Variants in SP140 observed in about 807,000 individuals in gnomAD.
SP140 encodes the protein nuclear body protein SP140.
SP140 carries 81 observed loss-of-function variants against 125.0 expected under a neutral mutation model. That is an observed-to-expected ratio of 0.65 (90% CI 0.54 to 0.78). The LOEUF (loss-of-function observed/expected upper bound fraction) is 0.78. Ranked by LOEUF, SP140 falls within the 30% of genes least tolerant of loss-of-function variation. SP140 has a pLI of 0.00. For synonymous variants in SP140, 312 were observed against 354.0 expected (o/e 0.88, Z 1.33); for missense variants, 858 against 1,037.0 (o/e 0.83, Z 2.37).
intron 12 of SP140, among the ~76,000 whole-genome samples, chr2:230,257,578 C>A (rs1452624191): frequency 6.6e-6 from 1 of 152,100 alleles, no homozygotes; most frequent in Non-Finnish European, 1.5e-5. Context: ...GCCAGCCGGG[C>A]CAACATGGCA....
chr2:230,225,729 C>A, upstream of SP140: 2 of 861,286 alleles, frequency 2.3e-6, no homozygotes, highest in Admixed American at 1.8e-5. Context: ...TAGGCAATTT[C>A]ACTTTTCTTT....
intron 1 of SP140, among the ~76,000 whole-genome samples, chr2:230,226,762 C>CAAAA (rs11323886): frequency 1.1e-5 from 1 of 94,264 alleles, no homozygotes; most frequent in African/African-American, 4.1e-5. Flanking sequence ...AATTCCATCT[C>CAAAA]AAAAAAAAAA....
chr2:230,262,538 T>G (rs1343958130), intron 12 of SP140, among the ~76,000 whole-genome samples: 1 of 152,162 alleles, frequency 6.6e-6, no homozygotes, highest in South Asian at 2.1e-4. Context: ...AGATGTGACC[T>G]TAGATTGTCA....
upstream of SP140, chr2:230,202,649 A>C (rs145246759): frequency 1.7e-4 from 281 of 1,614,050 alleles, 1 homozygote; most frequent in African/African-American, 3.3e-3. Flanking sequence ...TGGAGTTACA[A>C]GTTGAGTCAT....
chr2:230,194,338 C>T, the SP140 span, among the ~76,000 whole-genome samples: 1 of 152,092 alleles, frequency 6.6e-6, no homozygotes, highest in East Asian at 1.9e-4. Flanking sequence ...CAGGGGCTCA[C>T]ACCTGTATCC....
intron 20 of SP140, among the ~76,000 whole-genome samples, chr2:230,293,162 A>T (rs942537333): frequency 6.6e-6 from 1 of 152,204 alleles, no homozygotes; most frequent in Admixed American, 6.5e-5. Flanking sequence ...CCATGGCAAA[A>T]GTAGCTCTGT....
chr2:230,263,322 C>T (rs2052573691), intron 12 of SP140, among the ~76,000 whole-genome samples: 1 of 152,106 alleles, frequency 6.6e-6, no homozygotes, highest in African/African-American at 2.4e-5. Flanking sequence ...TGCCTGTTTC[C>T]ACCCCTTTAC....
At position 230,255,542 on chromosome 2, in the gene SP140, G is replaced by T. The variant is rs201513131; in HGVS notation, c.1240+10G>T. 23 of 993,532 alleles carry T rather than the reference G, an allele frequency of 2.3e-5. No individual in the cohort carries two copies. In the African/African-American group the frequency reaches 3.9e-4, roughly 17 times the overall value. The allele number at this position is 993,532 out of a possible 1,614,324, so 61.5% of individuals were successfully genotyped here. ...GCAAGACGTGGGTCAGGTAAGGACGGGGGGGGGGATTTCTGGCCCTGGGCT... is the reference window on the plus strand; with the variant it reads ...GCAAGACGTGGGTCAGGTAAGGACGTGGGGGGGGATTTCTGGCCCTGGGCT... On this transcript the variant is annotated intron_variant, in intron 12 of 26. Transcript: ENST00000392045.
intron 15 of SP140, among the ~76,000 whole-genome samples, chr2:230,276,325 T>G (rs1046172929): frequency 6.6e-6 from 1 of 152,118 alleles, no homozygotes; most frequent in Non-Finnish European, 1.5e-5. Context: ...CATTCACCAT[T>G]CTGAAAATCC....
chr2:230,199,151 T>A (rs9288659), upstream of SP140, among the ~76,000 whole-genome samples: 80,871 of 111,850 alleles, frequency 0.72, 26,952 homozygotes, highest in East Asian at 0.8. Flanking sequence ...TATTATTATT[T>A]TTTTTTTTTT....
chr2:230,269,381 G>A (rs1235956730), intron 12 of SP140, 151 bp from the exon 13 acceptor site: 1 of 610,760 alleles, frequency 1.6e-6, no homozygotes, highest in Non-Finnish European at 3.0e-6. Context: ...TCTGTTATGT[G>A]TCAAATGTGA....
intron 22 of SP140, among the ~76,000 whole-genome samples, chr2:230,303,195 A>G (rs1429125704): frequency 1.3e-5 from 2 of 152,228 alleles, no homozygotes; most frequent in Non-Finnish European, 2.9e-5. Flanking sequence ...AGAAGATCCA[A>G]ATAAGCCCAA....
At chr2:230,206,876 T>C (rs1306102480) in intron 1 of SP140, among the ~76,000 whole-genome samples, 2 of 152,002 alleles carry the variant, frequency 1.3e-5, no homozygotes, top group Non-Finnish European at 2.9e-5. Flanking sequence ...GAATAGAACC[T>C]CTCTTATCTC....
At chr2:230,235,359 T>C (rs775362978) in intron 1 of SP140, among the ~76,000 whole-genome samples, 9 of 152,188 alleles carry the variant, frequency 5.9e-5, no homozygotes, top group Non-Finnish European at 1.3e-4. Context: ...AGGTTAAAAT[T>C]TCTCATCTAA....
chr2:230,236,644 C>T (rs913719550), intron 1 of SP140, among the ~76,000 whole-genome samples: 2 of 152,168 alleles, frequency 1.3e-5, no homozygotes, highest in African/African-American at 4.8e-5. Flanking sequence ...GCAAGCCCCA[C>T]CCACATTATG....
chr2:230,313,609 G>A (rs753650740), downstream of SP140, among the ~76,000 whole-genome samples: 4 of 152,174 alleles, frequency 2.6e-5, no homozygotes, highest in Admixed American at 1.3e-4. Flanking sequence ...CCTTCTGAGC[G>A]AACCCTCACC....
intron 1 of SP140, among the ~76,000 whole-genome samples, chr2:230,231,727 G>T (rs901992251): frequency 4.0e-5 from 6 of 151,872 alleles, no homozygotes; most frequent in African/African-American, 1.5e-4. Context: ...ATTTTTTTGA[G>T]ATGGAGTCTT....
intron 21 of SP140, 32 bp downstream of exon 21, chr2:230,294,350 G>A: frequency 6.6e-7 from 1 of 1,522,048 alleles, no homozygotes; most frequent in Non-Finnish European, 9.1e-7. Flanking sequence ...ACAGCTTCTT[G>A]TCACATAACT....
chr2:230,235,217 A>C (rs897187694), intron 1 of SP140: 2 of 152,176 alleles, frequency 1.3e-5, no homozygotes, highest in Non-Finnish European at 2.9e-5. Context: ...TCATCTCTGC[A>C]TCTCCTTCTC....
Sources: gnomAD v4.1 joint callset for allele counts (sites outside exome capture counted in the v4.1 genomes callset) on GRCh38, gnomAD v4.1.1 for gene constraint, MANE v1.5 for transcripts, NCBI Gene and HGNC (gene_info 2026-07-23, HGNC 2026-07-21) for gene names.